ARHGAP18: variants seen among roughly 807,000 people sequenced by gnomAD.
The protein encoded by ARHGAP18 is rho GTPase-activating protein 18.
A neutral mutation model predicts 86.2 loss-of-function variants in ARHGAP18; 67 were observed. The observed-to-expected ratio is 0.78, with a 90% confidence interval of 0.64 to 0.95. The LOEUF (loss-of-function observed/expected upper bound fraction) is 0.95, where lower values mean the gene tolerates loss of function less well. Among genes scored for constraint, ARHGAP18 ranks in the 40% least tolerant of loss-of-function variants. The pLI, the probability that ARHGAP18 is intolerant of heterozygous loss-of-function variation, is 0.00. For missense variants in ARHGAP18, 691 were observed against 780.4 expected, an observed-to-expected ratio of 0.89 and a Z score of 1.37; for synonymous variants, 283 against 280.4, an observed-to-expected ratio of 1.01 and a Z score of -0.09.
At chr6:129,684,205 C>T (rs780673123) in intron 1 of ARHGAP18, among the ~76,000 whole-genome samples, 2 of 152,150 alleles carry the variant, frequency 1.3e-5, no homozygotes, top group Non-Finnish European at 2.9e-5. Flanking sequence ...ATGATGCATG[C>T]GATAGCTAAG....
chr6:129,678,498 A>C (rs1774272630), intron 1 of ARHGAP18, among the ~76,000 whole-genome samples: 1 of 152,186 alleles, frequency 6.6e-6, no homozygotes, highest in Admixed American at 6.5e-5. Flanking sequence ...TGGAAACAAA[A>C]CCATGTAAAA....
At chr6:129,582,436 G>A (rs1285428148) in intron 13 of ARHGAP18, among the ~76,000 whole-genome samples, 1 of 152,170 alleles carries the variant, frequency 6.6e-6, no homozygotes, top group East Asian at 1.9e-4. Context: ...TGGCTGGAAA[G>A]AGCTGCTTAT....
chr6:129,675,340 C>T (rs750472085), intron 1 of ARHGAP18, among the ~76,000 whole-genome samples: 24 of 148,888 alleles, frequency 1.6e-4, no homozygotes, highest in African/African-American at 3.7e-4. Context: ...ACCGAGACCG[C>T]GCCACTGCAC....
At chr6:129,705,443 C>A (rs889173612) in intron 1 of ARHGAP18, among the ~76,000 whole-genome samples, 20 of 150,822 alleles carry the variant, frequency 1.3e-4, no homozygotes, top group Non-Finnish European at 1.5e-5. Flanking sequence ...CCCATCAATA[C>A]CCCCCAAGAA....
chr6:129,660,841 G>A (rs151251335), intron 1 of ARHGAP18, among the ~76,000 whole-genome samples: 1 of 152,064 alleles, frequency 6.6e-6, no homozygotes, highest in Non-Finnish European at 1.5e-5. Flanking sequence ...GAGTGAAAGA[G>A]CTCAACGAAA....
intron 1 of ARHGAP18, among the ~76,000 whole-genome samples, chr6:129,656,128 G>A (rs1196659371): frequency 2.0e-5 from 3 of 152,190 alleles, no homozygotes; most frequent in African/African-American, 7.2e-5. Flanking sequence ...TTAATTGCAA[G>A]GCAACTATAC....
intron 3 of ARHGAP18, among the ~76,000 whole-genome samples, chr6:129,637,048 C>T (rs1005595082): frequency 2.6e-5 from 4 of 151,912 alleles, no homozygotes; most frequent in African/African-American, 9.7e-5. Context: ...AGTTCTTGTA[C>T]TGTTTTGTTG....
chr6:129,698,420 G>A (rs1774656610), intron 1 of ARHGAP18, among the ~76,000 whole-genome samples: 1 of 151,908 alleles, frequency 6.6e-6, no homozygotes, highest in Non-Finnish European at 1.5e-5. Flanking sequence ...TTAGCATTCA[G>A]AAATAAGCCA....
At position 129,629,245 on chromosome 6, in the gene ARHGAP18, C is replaced by A. The variant is rs1014295941; in HGVS notation, c.786+108G>T. 4 of 884,174 alleles carry A rather than the reference C, an allele frequency of 4.5e-6. No homozygotes were observed. In the African/African-American group the frequency reaches 5.5e-5, roughly 12 times the overall value. The allele number at this position is 884,174 out of a possible 1,614,324, so 54.8% of individuals were successfully genotyped here. Reference sequence around the variant, plus strand: ...TCTCTGTCTGTCTGTCTCTCTCTCTCTCTATATATATATATATGTGTGTGT... The same window carrying A: ...TCTCTGTCTGTCTGTCTCTCTCTCTATCTATATATATATATATGTGTGTGT... On this transcript the variant is annotated intron_variant, in intron 5 of 14. Transcript: ENST00000368149.
intron 1 of ARHGAP18, among the ~76,000 whole-genome samples, chr6:129,665,558 T>A (rs951662094): frequency 1.1e-4 from 16 of 152,052 alleles, no homozygotes; most frequent in Admixed American, 9.2e-4. Flanking sequence ...TCCAAAAAAA[T>A]AAATAAATAA....
chr6:129,666,369 C>T, intron 1 of ARHGAP18, among the ~76,000 whole-genome samples: 1 of 152,252 alleles, frequency 6.6e-6, no homozygotes. Flanking sequence ...TACAGTCCTC[C>T]TCCCTCCATA....
At chr6:129,580,357 A>C (rs1360491019) in intron 13 of ARHGAP18, among the ~76,000 whole-genome samples, 1 of 152,246 alleles carries the variant, frequency 6.6e-6, no homozygotes, top group African/African-American at 2.4e-5. Flanking sequence ...ATCTGAAGGC[A>C]AAGTAGTAAA....
intron 1 of ARHGAP18, among the ~76,000 whole-genome samples, chr6:129,661,310 A>AT (rs1491173577): frequency 6.4e-4 from 9 of 14,012 alleles, no homozygotes; most frequent in Non-Finnish European, 5.3e-3. Context: ...CAAGAATCTT[A>AT]AAAAAAAAAA....
chr6:129,625,013 A>AATATATAT (rs1562695980), intron 5 of ARHGAP18, among the ~76,000 whole-genome samples: 4,594 of 76,590 alleles, frequency 0.06, 859 homozygotes, highest in Non-Finnish European at 0.081. Flanking sequence ...TATTTATATA[A>AATATATAT]TATATATGAT....
intron 1 of ARHGAP18, among the ~76,000 whole-genome samples, chr6:129,675,981 A>G (rs1317151187): frequency 6.6e-6 from 1 of 152,224 alleles, no homozygotes; most frequent in African/African-American, 2.4e-5. Flanking sequence ...TTTAAATGGC[A>G]GCTCTTATTT....
intron 1 of ARHGAP18, among the ~76,000 whole-genome samples, chr6:129,684,434 A>G (rs1651642012): frequency 6.6e-6 from 1 of 152,240 alleles, no homozygotes; most frequent in Non-Finnish European, 1.5e-5. Flanking sequence ...GTAGTATTAT[A>G]TTAATAATAT....
chr6:129,620,508 A>C (rs1789205091), intron 5 of ARHGAP18, among the ~76,000 whole-genome samples: 1 of 152,256 alleles, frequency 6.6e-6, no homozygotes, highest in African/African-American at 2.4e-5. Context: ...TCAGAAAGCA[A>C]ACCACAAGAT....
At chr6:129,691,903 C>T (rs1774536362) in intron 1 of ARHGAP18, among the ~76,000 whole-genome samples, 1 of 152,178 alleles carries the variant, frequency 6.6e-6, no homozygotes, top group Non-Finnish European at 1.5e-5. Flanking sequence ...ACTGGCTTCT[C>T]CAGTCCTTGG....
chr6:129,703,433 C>T (rs901559661), intron 1 of ARHGAP18, among the ~76,000 whole-genome samples: 14 of 152,180 alleles, frequency 9.2e-5, no homozygotes, highest in African/African-American at 3.4e-4. Flanking sequence ...ACAGTGCAAT[C>T]GTACAATGCA....
Sources: gnomAD v4.1 joint callset for allele counts (sites outside exome capture counted in the v4.1 genomes callset) on GRCh38, gnomAD v4.1.1 for gene constraint, MANE v1.5 for transcripts, NCBI Gene and HGNC (gene_info 2026-07-23, HGNC 2026-07-21) for gene names.